GFOD1: variants seen among roughly 807,000 people sequenced by gnomAD.
GFOD1 encodes the protein glucose-fructose oxidoreductase domain-containing protein 1.
Under a neutral mutation model 25.4 loss-of-function variants are expected in GFOD1, and 9 were observed. The observed-to-expected ratio is 0.35, with a 90% CI of 0.21 to 0.62. The LOEUF (loss-of-function observed/expected upper bound fraction) is 0.62. Among genes scored for constraint, GFOD1 ranks in the 20% least tolerant of loss-of-function variants. GFOD1 has a pLI of 0.72. For missense variants in GFOD1, 403 were observed against 556.9 expected (o/e 0.72, Z 2.78); for synonymous variants, 253 against 245.6 (o/e 1.03, Z -0.28).
In GFOD1 at chr6:13,434,090, G is replaced by A. The variant is rs1294964376; in HGVS notation, c.253+52548C>T. ...GGCAAGTGGAGGCCACAATGGGAAC[G>A]GGGAAGTCAAGGACAGGGCATTATG... On this transcript the variant is annotated intron_variant, in intron 1 of 1. Transcript: ENST00000379287. Among the ~76,000 whole-genome samples the A allele has an allele frequency of 6.6e-5, 10 of 152,208 alleles. No individual in the cohort carries two copies. The South Asian group carries it at 8.3e-4, about 13-fold the overall frequency.
At chr6:13,403,109 G>GGT (rs1785879767) in intron 1 of GFOD1, among the ~76,000 whole-genome samples, 3 of 131,876 alleles carry the variant, frequency 2.3e-5, no homozygotes, top group Admixed American at 7.6e-5. Flanking sequence ...TGTGTGTGTG[G>GGT]TTTTTTTTTT....
intron 1 of GFOD1, among the ~76,000 whole-genome samples, chr6:13,440,310 T>A (rs140616092): frequency 1.3e-5 from 2 of 152,212 alleles, no homozygotes; most frequent in African/African-American, 4.8e-5. Context: ...TGCCTCAGCC[T>A]CCCAAGCAGC....
chr6:13,367,558 T>C (rs1392853642), intron 1 of GFOD1, among the ~76,000 whole-genome samples: 2 of 152,156 alleles, frequency 1.3e-5, no homozygotes, highest in African/African-American at 4.8e-5. Context: ...ATGACTGTGA[T>C]GTGTGTATAA....
chr6:13,417,462 G>A (rs1786181823), intron 1 of GFOD1, among the ~76,000 whole-genome samples: 1 of 152,162 alleles, frequency 6.6e-6, no homozygotes, highest in African/African-American at 2.4e-5. Flanking sequence ...TATTTCCAAT[G>A]GCTGAGTCTA....
In GFOD1 at chr6:13,443,816, T is replaced by TAA. The variant is rs34976657; in HGVS notation, c.253+42820_253+42821dup. Among the ~76,000 whole-genome samples, 409 of 112,040 alleles carry TAA rather than the reference T, an allele frequency of 3.7e-3. 5 individuals carry two copies. Among genetic ancestry groups the TAA allele is most frequent in the East Asian group, 8.3e-3 (33 of 3,996 alleles). The allele number at this position is 112,040 out of a possible 152,430, so 73.5% of individuals were successfully genotyped here. A position where few individuals can be genotyped will look rare whatever the true frequency, so the allele number is the denominator to read the frequency against. ...GGGCGACAAGAGCAAGACTCAGTCT[T>TAA]AAAAAAAAAAAAAAAAAAAAAATCA... On this transcript the variant is annotated intron_variant, in intron 1 of 1. Coordinates refer to ENST00000379287, the MANE Select transcript of GFOD1 (RefSeq NM_018988.4).
intron 1 of GFOD1, chr6:13,486,144 C>T: frequency 4.0e-6 from 4 of 988,566 alleles, no homozygotes; most frequent in Non-Finnish European, 4.8e-6. Flanking sequence ...CTATCGCACC[C>T]AAGAAAACCC....
intron 1 of GFOD1, among the ~76,000 whole-genome samples, chr6:13,371,404 G>A (rs1283510256): frequency 1.3e-5 from 2 of 152,174 alleles, no homozygotes; most frequent in Admixed American, 6.5e-5. Flanking sequence ...ACACACCTCT[G>A]GGAGCACCAG....
chr6:13,365,327 C>A lies in GFOD1; in HGVS notation c.589G>T (p.Gly197Trp). 6.2e-7 allele frequency: 1 copy of A among 1,614,204 alleles called. No homozygotes were observed. Among genetic ancestry groups the A allele is most frequent in the African/African-American group, 1.3e-5 (1 of 75,062 alleles). The change falls in exon 2 of 2, where the codon GGG becomes TGG. Residue 197 changes from glycine to tryptophan, a missense_variant. Transcript: ENST00000379287. The surrounding 1 kb of genome is among the most constrained non-coding windows in gnomAD (Gnocchi z 9.2). The part of the protein sequence containing the change: ...LTGQKAVKVH[G>W]LLKTFVKQTD... ...TGCTTCACGAAGGTCTTGAGCAGCCCGTGGACCTTGACGGCCTTTTGGCCG... is the reference window on the plus strand; with the variant it reads ...TGCTTCACGAAGGTCTTGAGCAGCCAGTGGACCTTGACGGCCTTTTGGCCG...
chr6:13,451,284 A>G (rs907168901), intron 1 of GFOD1, among the ~76,000 whole-genome samples: 6 of 152,098 alleles, frequency 3.9e-5, no homozygotes, highest in African/African-American at 1.4e-4. Context: ...GGGCTTTGAC[A>G]TTGACGAGGC....
intron 1 of GFOD1, among the ~76,000 whole-genome samples, chr6:13,432,893 T>C (rs566861803): frequency 3.0e-4 from 45 of 152,306 alleles, no homozygotes; most frequent in African/African-American, 1.0e-3. Flanking sequence ...AGACAGAGTG[T>C]CAATAAACAA....
chr6:13,382,465 A>T (rs1785386775), intron 1 of GFOD1, among the ~76,000 whole-genome samples: 1 of 152,080 alleles, frequency 6.6e-6, no homozygotes, highest in Non-Finnish European at 1.5e-5. Flanking sequence ...ACCATGTAAG[A>T]TGTGACTTTG....
intron 1 of GFOD1, among the ~76,000 whole-genome samples, chr6:13,402,887 T>C (rs993685557): frequency 2.0e-5 from 3 of 152,198 alleles, no homozygotes; most frequent in Non-Finnish European, 4.4e-5. Flanking sequence ...TAAATATTCA[T>C]AGTAGCACTG....
chr6:13,428,425 C>T (rs1026533618), intron 1 of GFOD1, among the ~76,000 whole-genome samples: 1 of 152,170 alleles, frequency 6.6e-6, no homozygotes. Flanking sequence ...GAGGGGGTGC[C>T]GCCTGAGGCC....
intron 1 of GFOD1, among the ~76,000 whole-genome samples, chr6:13,377,663 T>C (rs763884928): frequency 2.0e-5 from 3 of 152,150 alleles, no homozygotes; most frequent in Non-Finnish European, 4.4e-5. Context: ...CTTTTTGCCG[T>C]AGAACTAATC....
intron 1 of GFOD1, among the ~76,000 whole-genome samples, chr6:13,437,105 C>G (rs927301887): frequency 2.0e-5 from 3 of 151,960 alleles, no homozygotes. Flanking sequence ...AAAGGCTGAC[C>G]CAAATGAGGT....
At chr6:13,380,266 A>G (rs1448152950) in intron 1 of GFOD1, among the ~76,000 whole-genome samples, 1 of 152,248 alleles carries the variant, frequency 6.6e-6, no homozygotes, top group Non-Finnish European at 1.5e-5. Flanking sequence ...TGGTCCTGCC[A>G]GCTTTGTTAA....
chr6:13,434,415 C>A (rs1298576015), intron 1 of GFOD1, among the ~76,000 whole-genome samples: 1 of 145,184 alleles, frequency 6.9e-6, no homozygotes, highest in Non-Finnish European at 1.5e-5. Context: ...AAGTGCAGAG[C>A]ATTATGGAAG....
intron 1 of GFOD1, among the ~76,000 whole-genome samples, chr6:13,433,170 A>G (rs1757779915): frequency 7.1e-6 from 1 of 139,934 alleles, no homozygotes; most frequent in African/African-American, 2.7e-5. Flanking sequence ...CTCAGGCTGG[A>G]GTGCAATGGC....
rs375582881 is a variant in GFOD1, at chr6:13,364,676, CT to C, written c.*66del. 89 of 1,360,502 alleles carry C rather than the reference CT, an allele frequency of 6.5e-5. No individual in the cohort carries two copies. In the African/African-American group the frequency reaches 1.2e-3, roughly 18 times the overall value. The allele number at this position is 1,360,502 out of a possible 1,614,324, so 84.3% of individuals were successfully genotyped here. ...ACATTCCCCATGGTCACCCTCTCCC[CT>C]CGGCCCTTCCCTCTCTGTGGACATC... is the stretch of plus-strand genomic sequence containing the variant. On this transcript the variant is annotated 3_prime_UTR_variant, in exon 2 of 2. Transcript: ENST00000379287. The surrounding 1 kb of genome is among the most constrained non-coding windows in gnomAD (Gnocchi z 4.1).
Sources: allele counts gnomAD v4.1 joint callset (sites outside exome capture counted in the v4.1 genomes callset), GRCh38; gene constraint gnomAD v4.1.1; non-coding constraint Gnocchi (gnomAD v3.1); transcripts MANE v1.5; gene names NCBI Gene and HGNC (gene_info 2026-07-23, HGNC 2026-07-21).